The following ALX4 variants were observed in gnomAD, a reference collection of about 807,000 sequenced individuals.
ALX4 encodes the protein homeobox protein aristaless-like 4.
A neutral mutation model predicts 40.6 loss-of-function variants in ALX4; 22 were observed. The ratio of observed to expected loss-of-function variants is 0.54; its 90% CI spans 0.39 to 0.77. The LOEUF is 0.77. ALX4 is among the 30% of genes least tolerant of loss of function. The pLI is 0.00. For synonymous variants in ALX4, 266 were observed against 240.5 expected (o/e 1.11, Z -0.98); for missense variants, 556 against 564.8 (o/e 0.98, Z 0.16).
intron 1 of ALX4, among the ~76,000 whole-genome samples, chr11:44,305,547 T>C (rs1232393918): frequency 6.6e-6 from 1 of 152,200 alleles, no homozygotes; most frequent in Non-Finnish European, 1.5e-5. Flanking sequence ...CTTCTTTGGG[T>C]CGTCTCTTGT....
intron 2 of ALX4, among the ~76,000 whole-genome samples, chr11:44,274,301 G>A (rs1956265348): frequency 6.6e-6 from 1 of 152,058 alleles, no homozygotes; most frequent in Non-Finnish European, 1.5e-5. Flanking sequence ...GTTGTGTTGT[G>A]TTAGGTTGAG....
At chr11:44,304,369 G>C (rs1255446593) in intron 1 of ALX4, among the ~76,000 whole-genome samples, 3 of 152,236 alleles carry the variant, frequency 2.0e-5, no homozygotes, top group Non-Finnish European at 4.4e-5. Context: ...GGGGGCTAAG[G>C]ACGCTGAGGC....
Position 44,272,160 on chromosome 11 carries a change from C to T in ALX4, c.777+3188G>A, listed in dbSNP as rs560461160. Among the ~76,000 whole-genome samples the T allele has an allele frequency of 6.5e-4, 99 of 152,294 alleles. 1 individual carries two copies. Among genetic ancestry groups the T allele is most frequent in the Admixed American group, 6.4e-3 (98 of 15,300 alleles). Reference sequence around the variant, plus strand: ...GGCTTCTGGATTCACAGGAAAGCCCCAGCTGCCCTGTCATCCTTCATCAAA... The same window carrying T: ...GGCTTCTGGATTCACAGGAAAGCCCTAGCTGCCCTGTCATCCTTCATCAAA... On this transcript the variant is annotated intron_variant, in intron 2 of 3. Coordinates refer to ENST00000652299, the MANE Select transcript of ALX4 (RefSeq NM_021926.4).
chr11:44,306,084 G>T (rs896842091), intron 1 of ALX4, among the ~76,000 whole-genome samples: 5 of 152,216 alleles, frequency 3.3e-5, no homozygotes, highest in African/African-American at 4.8e-5. Flanking sequence ...ACTCGGGCAA[G>T]GAATTCAGGA....
intron 1 of ALX4, among the ~76,000 whole-genome samples, chr11:44,278,962 G>A (rs1237722155): frequency 6.6e-6 from 1 of 152,186 alleles, no homozygotes; most frequent in Non-Finnish European, 1.5e-5. Flanking sequence ...TAAATTCTGA[G>A]GCTGGGTTCC....
chr11:44,267,676 C>T (rs1240688394), intron 2 of ALX4, 54 bp from the exon 3 acceptor site: 1 of 1,611,878 alleles, frequency 6.2e-7, no homozygotes, highest in Non-Finnish European at 8.5e-7. Flanking sequence ...GCCTGGAGGC[C>T]TCACTTTCAG....
chr11:44,277,535 C>G (rs2135315713), intron 1 of ALX4, among the ~76,000 whole-genome samples: 1 of 152,340 alleles, frequency 6.6e-6, no homozygotes, highest in Non-Finnish European at 1.5e-5. Flanking sequence ...GAGCATCAGC[C>G]ACTCTGACCC....
rs764565331 is a variant in ALX4, at chr11:44,310,113, G to A, written c.-51C>T. 3.3e-5 allele frequency: 50 copies of A among 1,524,572 alleles called. No homozygotes were observed. In the Admixed American group the frequency reaches 7.1e-4, roughly 22 times the overall value. 94.4% of individuals were successfully genotyped at this position (1,524,572 alleles called of 1,614,324 possible). A position where few individuals can be genotyped will look rare whatever the true frequency, so the allele number is the denominator to read the frequency against. On this transcript the variant is annotated 5_prime_UTR_variant, in exon 1 of 4. Transcript: ENST00000652299. ...GGGACGCGAGCGAGGGCGCGAGGAC[G>A]CCACCGCGCGCCTTGGCTGGGAGTT...
intron 1 of ALX4, among the ~76,000 whole-genome samples, chr11:44,286,156 T>A (rs1335477974): frequency 6.6e-6 from 1 of 152,174 alleles, no homozygotes; most frequent in African/African-American, 2.4e-5. Context: ...GTCAGGAGGC[T>A]GCTGCATGGA....
At chr11:44,297,459 T>C (rs770082645) in intron 1 of ALX4, among the ~76,000 whole-genome samples, 2 of 152,104 alleles carry the variant, frequency 1.3e-5, no homozygotes, top group Non-Finnish European at 2.9e-5. Context: ...GGCTTATGCT[T>C]GTAATCCCAG....
chr11:44,310,054 A>G lies in ALX4; in HGVS notation c.9T>C (p.Ala3=), dbSNP rs1223859647. Residue 3 remains alanine (A), a synonymous_variant, in exon 1 of 4, where the codon GCT becomes GCC. Transcript: ENST00000652299. Reference sequence around the variant, plus strand: ...ACTCGCAGTAAGAGACGCAAGTCTCAGCATTCATGCCTGGCTTGCGCAGGC... The same window carrying G: ...ACTCGCAGTAAGAGACGCAAGTCTCGGCATTCATGCCTGGCTTGCGCAGGC... MN[A]ETCVSYCESP... 6.3e-7 allele frequency: 1 copy of G among 1,594,942 alleles called. No individual in the cohort carries two copies. The highest frequency in any genetic ancestry group is 1.7e-5 in the Admixed American group (1 of 57,562).
intron 1 of ALX4, among the ~76,000 whole-genome samples, chr11:44,291,471 C>T (rs562923003): frequency 1.5e-4 from 23 of 151,372 alleles, no homozygotes; most frequent in Middle Eastern, 6.8e-3. Context: ...TGCAGTGGTG[C>T]GATCTCGGCT....
At position 44,263,090 on chromosome 11, in the gene ALX4, G is replaced by A. The variant is rs1956191880; in HGVS notation, c.*1764C>T. 1 of 152,186 alleles carries A rather than the reference G, an allele frequency of 6.6e-6. No individual in the cohort carries two copies. The highest frequency in any genetic ancestry group is 2.4e-5 in the African/African-American group (1 of 41,444). The allele number at this position is 152,186 out of a possible 1,614,324, so 9.4% of individuals were successfully genotyped here. ...GTTTCTAGAGCAGATGAGAACACCA[G>A]GCAGGCGGGAGACTGTCACCCCCAA... is the stretch of plus-strand genomic sequence containing the variant. On this transcript the variant is annotated 3_prime_UTR_variant, in exon 4 of 4. Coordinates refer to ENST00000652299, the MANE Select transcript of ALX4 (RefSeq NM_021926.4).
Position 44,309,778 on chromosome 11 carries a change from C to A in ALX4, c.285G>T (p.Ser95=). The A allele has an allele frequency of 6.5e-7, 1 of 1,546,814 alleles. No homozygotes were observed. Among genetic ancestry groups the A allele is most frequent in the South Asian group, 1.2e-5 (1 of 84,126 alleles). ...GCGGCGGCGGCTGGGGCTGCGGGGT[C>A]GACGGCTGGGGCTGGAACTTGTTAA... ...GSFNKFQPQP[S]TPQPQPPPQP... is the part of the protein sequence containing the mutation. Residue 95 remains serine, a synonymous_variant, in exon 1 of 4, where the codon TCG becomes TCT. Transcript: ENST00000652299.
chr11:44,309,333 T>TG (rs2119922336), intron 1 of ALX4, among the ~76,000 whole-genome samples: 1 of 152,274 alleles, frequency 6.6e-6, no homozygotes, highest in South Asian at 2.1e-4. Context: ...GCGAGCGGTT[T>TG]GGGGAAATGC....
chr11:44,280,863 T>G (rs942127261), intron 1 of ALX4, among the ~76,000 whole-genome samples: 1 of 152,210 alleles, frequency 6.6e-6, no homozygotes, highest in Non-Finnish European at 1.5e-5. Flanking sequence ...ACTGAGCCCT[T>G]CAACCTCTGC....
chr11:44,280,097 A>G (rs1480808856), intron 1 of ALX4, among the ~76,000 whole-genome samples: 1 of 152,194 alleles, frequency 6.6e-6, no homozygotes, highest in Non-Finnish European at 1.5e-5. Flanking sequence ...GGTGGGATAC[A>G]TTGAAAAAGG....
intron 1 of ALX4, among the ~76,000 whole-genome samples, chr11:44,282,731 G>A (rs960088044): frequency 6.6e-6 from 1 of 152,168 alleles, no homozygotes. Flanking sequence ...AAATTTACAT[G>A]AAGTGCAACT....
chr11:44,265,713 G>C (rs1390457410), intron 3 of ALX4, among the ~76,000 whole-genome samples: 2 of 152,106 alleles, frequency 1.3e-5, no homozygotes, highest in African/African-American at 2.4e-5. Context: ...CAGAAACCAA[G>C]GGTCAGTGGC....
Sources: allele counts gnomAD v4.1 joint callset (sites outside exome capture counted in the v4.1 genomes callset), GRCh38; gene constraint gnomAD v4.1.1; transcripts MANE v1.5; gene names NCBI Gene and HGNC (gene_info 2026-07-23, HGNC 2026-07-21).